The following PARD3 variants were observed in gnomAD, a reference collection of about 807,000 sequenced individuals.
PARD3 encodes partitioning defective 3 homolog.
A neutral mutation model predicts 155.4 loss-of-function variants in PARD3; 75 were observed. That is an observed-to-expected ratio of 0.48 (90% confidence interval 0.40 to 0.58). PARD3 has a LOEUF of 0.58. PARD3 is among the 20% of genes least tolerant of loss of function. The pLI, the probability that PARD3 is intolerant of heterozygous loss-of-function variation, is 0.00. For synonymous variants in PARD3, 576 were observed against 610.5 expected, an observed-to-expected ratio of 0.94 and a Z score of 0.83; for missense variants, 1,642 against 1,721.7, an observed-to-expected ratio of 0.95 and a Z score of 0.82.
intron 22 of PARD3, among the ~76,000 whole-genome samples, chr10:34,173,216 GC>G (rs372291011): frequency 3.1e-4 from 47 of 152,274 alleles, no homozygotes; most frequent in Admixed American, 2.0e-3. Flanking sequence ...TTGCAACATG[GC>G]TTCCTGGTTG....
intron 20 of PARD3, among the ~76,000 whole-genome samples, chr10:34,289,759 A>G (rs1330149054): frequency 6.6e-6 from 1 of 152,218 alleles, no homozygotes; most frequent in Non-Finnish European, 1.5e-5. Flanking sequence ...GTCTTCATTC[A>G]GCTAACGTAA....
At chr10:34,284,693 C>G (rs529585109) in intron 20 of PARD3, among the ~76,000 whole-genome samples, 39 of 152,222 alleles carry the variant, frequency 2.6e-4, no homozygotes, top group African/African-American at 8.2e-4. Context: ...TTTTCACAGC[C>G]AGGCTTATTG....
intron 2 of PARD3, among the ~76,000 whole-genome samples, chr10:34,562,983 C>A (rs2085625828): frequency 6.6e-6 from 1 of 152,088 alleles, no homozygotes; most frequent in Non-Finnish European, 1.5e-5. Context: ...GTTGCCTAGA[C>A]TGGTCTCAAA....
At chr10:34,773,428 T>C (rs989994752) in intron 1 of PARD3, among the ~76,000 whole-genome samples, 1 of 152,260 alleles carries the variant, frequency 6.6e-6, no homozygotes, top group Non-Finnish European at 1.5e-5. Context: ...AATTAAATAA[T>C]GTGGGACTGA....
At chr10:34,357,931 G>A (rs1481975671) in intron 14 of PARD3, among the ~76,000 whole-genome samples, 3 of 152,186 alleles carry the variant, frequency 2.0e-5, no homozygotes, top group Admixed American at 1.3e-4. Context: ...AGGTTCAGAT[G>A]AGTGGTCACT....
At chr10:34,667,432 T>A (rs917693179) in intron 2 of PARD3, among the ~76,000 whole-genome samples, 1 of 152,244 alleles carries the variant, frequency 6.6e-6, no homozygotes, top group Admixed American at 6.5e-5. Flanking sequence ...GGGAGATCAA[T>A]GGTGCCTTTC....
At chr10:34,364,866 T>C (rs1051676954) in intron 12 of PARD3, among the ~76,000 whole-genome samples, 9 of 152,094 alleles carry the variant, frequency 5.9e-5, no homozygotes, top group African/African-American at 1.9e-4. Context: ...AGCAAACCAA[T>C]AAATCAACCT....
At chr10:34,422,985 G>T (rs980268332) in intron 5 of PARD3, among the ~76,000 whole-genome samples, 3 of 152,146 alleles carry the variant, frequency 2.0e-5, no homozygotes, top group African/African-American at 7.2e-5. Flanking sequence ...GTACTCACAT[G>T]TTTATTACAG....
chr10:34,750,691 A>AATT (rs1835918074), intron 1 of PARD3, among the ~76,000 whole-genome samples: 1 of 143,706 alleles, frequency 7.0e-6, no homozygotes, highest in East Asian at 2.1e-4. Context: ...TGACATAACA[A>AATT]TTTTTTTTTT....
intron 7 of PARD3, among the ~76,000 whole-genome samples, chr10:34,389,851 C>A (rs1242216752): frequency 1.3e-5 from 2 of 151,916 alleles, no homozygotes; most frequent in African/African-American, 4.8e-5. Context: ...AGAAAAACTT[C>A]AATGAATGAG....
intron 1 of PARD3, among the ~76,000 whole-genome samples, chr10:34,760,787 T>C (rs1041863016): frequency 2.0e-5 from 3 of 152,190 alleles, no homozygotes; most frequent in African/African-American, 7.2e-5. Context: ...AACAACCACC[T>C]GAATAAGCTT....
chr10:34,299,107 C>A (rs1044856544), intron 20 of PARD3, among the ~76,000 whole-genome samples: 6 of 152,290 alleles, frequency 3.9e-5, no homozygotes, highest in Admixed American at 1.3e-4. Flanking sequence ...TTATAGTCCC[C>A]AACAACTGAT....
At chr10:34,130,253 G>A (rs1947535007) in intron 23 of PARD3, among the ~76,000 whole-genome samples, 1 of 152,016 alleles carries the variant, frequency 6.6e-6, no homozygotes, top group African/African-American at 2.4e-5. Flanking sequence ...ACACTGCTAG[G>A]CTGTGAGGCT....
intron 3 of PARD3, among the ~76,000 whole-genome samples, chr10:34,474,052 C>T (rs892189615): frequency 6.6e-6 from 1 of 152,296 alleles, no homozygotes; most frequent in Admixed American, 6.5e-5. Context: ...TCAGTCCCAG[C>T]TACTCAGGAG....
At chr10:34,657,241 A>T (rs1039924231) in intron 2 of PARD3, among the ~76,000 whole-genome samples, 13 of 152,196 alleles carry the variant, frequency 8.5e-5, no homozygotes, top group African/African-American at 3.1e-4. Flanking sequence ...CAAAAAAAAA[A>T]AAGTCAGAAA....
chr10:34,672,670 G>A (rs974161922), intron 2 of PARD3, among the ~76,000 whole-genome samples: 3 of 152,226 alleles, frequency 2.0e-5, no homozygotes, highest in African/African-American at 4.8e-5. Context: ...GCAACAGAGC[G>A]AGGCCCTATT....
chr10:34,485,716 T>C (rs528688579), intron 3 of PARD3, among the ~76,000 whole-genome samples: 16 of 152,058 alleles, frequency 1.1e-4, no homozygotes, highest in Admixed American at 3.9e-4. Flanking sequence ...TCAGGGAGAA[T>C]AGATGGTAAA....
intron 22 of PARD3, among the ~76,000 whole-genome samples, chr10:34,199,579 G>A (rs772050035): frequency 1.3e-4 from 20 of 152,024 alleles, no homozygotes; most frequent in South Asian, 2.1e-4. Context: ...CCCCAACCCC[G>A]GTTACCTTCA....
intron 6 of PARD3, among the ~76,000 whole-genome samples, chr10:34,400,522 T>C (rs1452142650): frequency 1.3e-5 from 2 of 152,166 alleles, no homozygotes; most frequent in Non-Finnish European, 2.9e-5. Flanking sequence ...TAACAACCAA[T>C]ATTTGGAAAC....
Sources: gnomAD v4.1 joint callset for allele counts (sites outside exome capture counted in the v4.1 genomes callset) on GRCh38, gnomAD v4.1.1 for gene constraint, MANE v1.5 for transcripts, NCBI Gene and HGNC (gene_info 2026-07-23, HGNC 2026-07-21) for gene names.